SLC7A6: variants seen among roughly 807,000 people sequenced by gnomAD.
SLC7A6 encodes the protein Y+L amino acid transporter 2.
Under a neutral mutation model 46.6 loss-of-function variants are expected in SLC7A6, and 29 were observed. The observed-to-expected ratio is 0.62, with a 90% confidence interval of 0.46 to 0.85. The LOEUF (loss-of-function observed/expected upper bound fraction) is 0.85, where lower values mean the gene tolerates loss of function less well. Among genes scored for constraint, SLC7A6 ranks in the 40% least tolerant of loss-of-function variants. The pLI, the probability that SLC7A6 is intolerant of heterozygous loss-of-function variation, is 0.00. For synonymous variants in SLC7A6, 276 were observed against 257.3 expected (o/e 1.07, Z -0.70); for missense variants, 527 against 647.6 (o/e 0.81, Z 2.02).
chr16:68,280,387 A>G (rs926895543), intron 3 of SLC7A6, among the ~76,000 whole-genome samples: 1 of 152,228 alleles, frequency 6.6e-6, no homozygotes, highest in African/African-American at 2.4e-5. Context: ...AGAGGCTGCC[A>G]GCTGGTGGCC....
chr16:68,284,859 C>CTTT (rs71384525), intron 3 of SLC7A6, among the ~76,000 whole-genome samples: 2 of 95,604 alleles, frequency 2.1e-5, no homozygotes, highest in African/African-American at 9.2e-5. Flanking sequence ...ATTTTCTCGT[C>CTTT]TTTTTTTTTT....
In SLC7A6 at chr16:68,297,343, T is replaced by C. The variant is rs775365565; in HGVS notation, c.*15T>C. On this transcript the variant is annotated 3_prime_UTR_variant, in exon 11 of 11. Transcript: ENST00000219343. ...AAACTGACTAGAGGTCAGAGGTGGC[T>C]TTCTGAGGCCTGGAAGGCAGGCCAA... 6.2e-7 allele frequency: 1 copy of C among 1,611,472 alleles called. No individual in the cohort carries two copies. The highest frequency in any genetic ancestry group is 8.5e-7 in the Non-Finnish European group (1 of 1,178,082).
At chr16:68,291,793 G>GTGTGTGTA (rs1349112185) in intron 7 of SLC7A6, 132 bp downstream of exon 7, 1 of 714,802 alleles carries the variant, frequency 1.4e-6, no homozygotes, top group African/African-American at 1.8e-5. Context: ...GTGTGTGTGT[G>GTGTGTGTA]TGTGTGTTTG....
intron 9 of SLC7A6, 26 bp from the exon 10 acceptor site, chr16:68,296,600 CT>C: frequency 6.2e-7 from 1 of 1,613,834 alleles, no homozygotes. Flanking sequence ...TCCCACGTTA[CT>C]TAATCTCTCA....
chr16:68,275,358 G>A, intron 3 of SLC7A6, 109 bp downstream of exon 3: 1 of 1,354,884 alleles, frequency 7.4e-7, no homozygotes, highest in Non-Finnish European at 1.0e-6. Context: ...CACTTTGGGA[G>A]GCTGAGGCGG....
intron 5 of SLC7A6, 89 bp downstream of exon 5, chr16:68,290,629 C>A (rs1597002103): frequency 6.9e-7 from 1 of 1,451,020 alleles, no homozygotes; most frequent in South Asian, 1.2e-5. Flanking sequence ...CTCCTCCTCC[C>A]TCCGACTCTC....
chr16:68,285,827 G>A (rs1271102103), intron 3 of SLC7A6, among the ~76,000 whole-genome samples: 1 of 152,042 alleles, frequency 6.6e-6, no homozygotes, highest in East Asian at 1.9e-4. Flanking sequence ...AGGCATAGTG[G>A]CTCATGCCTG....
chr16:68,273,497 G>A (rs964901414), intron 2 of SLC7A6, among the ~76,000 whole-genome samples: 7 of 152,128 alleles, frequency 4.6e-5, no homozygotes, highest in African/African-American at 1.7e-4. Context: ...GCTGGGTGCA[G>A]GGTCAGGAAG....
At chr16:68,291,762 G>GGTGTGTGA in intron 7 of SLC7A6, 101 bp downstream of exon 7, 1 of 545,992 alleles carries the variant, frequency 1.8e-6, no homozygotes, top group South Asian at 2.4e-5. Flanking sequence ...GGGCATATAG[G>GGTGTGTGA]GTGTGTGTGT....
Position 68,294,803 on chromosome 16 carries a change from T to G in SLC7A6, c.1119+2T>G. 1 of 1,607,784 alleles carries G rather than the reference T, an allele frequency of 6.2e-7. No homozygotes were observed. The highest frequency in any genetic ancestry group is 8.5e-7 in the Non-Finnish European group (1 of 1,174,184). ...CCTATCCCTGCTTTACTGTTCAATG[T>G]AAGCTTTGCTGGGACCACGGGGCTC... On this transcript the variant is annotated splice_donor_variant, in intron 8 of 10. Transcript: ENST00000219343. LOFTEE classifies it high-confidence loss of function.
rs569708874 is a variant in SLC7A6, at chr16:68,290,470, T to G, written c.724T>G (p.Ser242Ala). The change falls in exon 5 of 11, where the codon TCT becomes GCT. Residue 242 changes from serine (S) to alanine (A), a missense_variant. Physicochemically the swap from Ser to Ala is moderately conservative, Grantham distance 99. Coordinates refer to ENST00000219343, the MANE Select transcript of SLC7A6 (RefSeq NM_003983.6). The stretch of plus-strand genomic sequence containing the variant: ...GGGAAACCTCTCTCTTGCCCTCTAC[T>G]CTGCCCTCTTCTCTTACTCAGGTTG... ...DMGNLSLALY[S>A]ALFSYSGWDT... The G allele has an allele frequency of 6.2e-7, 1 of 1,614,198 alleles. No individual in the cohort carries two copies. Among genetic ancestry groups the G allele is most frequent in the African/African-American group, 1.3e-5 (1 of 75,054 alleles).
intron 2 of SLC7A6, among the ~76,000 whole-genome samples, chr16:68,272,006 T>G (rs747623916): frequency 6.6e-6 from 1 of 152,080 alleles, no homozygotes; most frequent in Non-Finnish European, 1.5e-5. Context: ...GGTTTCACCA[T>G]GTTGGCCAGG....
rs1313000222 is a variant in SLC7A6, at chr16:68,275,210, C to G, written c.484C>G (p.Pro162Ala). 6.2e-7 allele frequency: 1 copy of G among 1,613,562 alleles called. No individual in the cohort carries two copies. Among genetic ancestry groups the G allele is most frequent in the Non-Finnish European group, 8.5e-7 (1 of 1,179,804 alleles). Residue 162 changes from proline to alanine, a missense_variant, in exon 3 of 11, where the codon CCA becomes GCA. Physicochemically the swap from Pro to Ala is conservative, Grantham distance 27 (BLOSUM62 -1). Coordinates refer to ENST00000219343, the MANE Select transcript of SLC7A6 (RefSeq NM_003983.6). The part of the protein sequence containing the change: ...IQPSFPSCDP[P>A]YLACRLLAAA... ...GCCGTCCTTCCCCAGCTGTGATCCC[C>G]CATACCTGGCCTGCCGTCTCCTGGC...
In SLC7A6 at chr16:68,264,698, CAG is replaced by C. The variant is rs1264668965; in HGVS notation, c.-166+123_-166+124del. 1 of 152,172 alleles carries C rather than the reference CAG, an allele frequency of 6.6e-6. No homozygotes were observed. Among genetic ancestry groups the C allele is most frequent in the African/African-American group, 2.4e-5 (1 of 41,428 alleles). The allele number at this position is 152,172 out of a possible 1,614,324, so 9.4% of individuals were successfully genotyped here. ...TCGGGAGCGGGATGCGGCCCAGAAA[CAG>C]CGCGGGGCTGGCCGATCGGGGCCGC... On this transcript the variant is annotated intron_variant, in intron 1 of 10. Coordinates refer to ENST00000219343, the MANE Select transcript of SLC7A6 (RefSeq NM_003983.6). The surrounding 1 kb of genome is among the most constrained non-coding windows in gnomAD (Gnocchi z 5.8).
chr16:68,268,158 G>A (rs2042567399), intron 2 of SLC7A6, among the ~76,000 whole-genome samples: 1 of 152,204 alleles, frequency 6.6e-6, no homozygotes, highest in African/African-American at 2.4e-5. Context: ...GAGGAGTCTT[G>A]GGAGCCCCAA....
At chr16:68,270,996 T>C (rs2151214495) in intron 2 of SLC7A6, among the ~76,000 whole-genome samples, 1 of 152,156 alleles carries the variant, frequency 6.6e-6, no homozygotes, top group Middle Eastern at 3.4e-3. Context: ...GTAGCTGGCA[T>C]GTGCCACCGT....
intron 6 of SLC7A6, 36 bp downstream of exon 6, chr16:68,291,368 C>G: frequency 6.2e-7 from 1 of 1,611,904 alleles, no homozygotes; most frequent in Non-Finnish European, 8.5e-7. Flanking sequence ...TTCATCATCT[C>G]CTGATACTGA....
At chr16:68,275,472 G>A (rs2042695577) in intron 3 of SLC7A6, among the ~76,000 whole-genome samples, 1 of 151,660 alleles carries the variant, frequency 6.6e-6, no homozygotes, top group East Asian at 1.9e-4. Context: ...GTGCATGCCT[G>A]TAATCCCAGC....
chr16:68,290,980 T>C (rs1412482151), intron 5 of SLC7A6: 4 of 535,430 alleles, frequency 7.5e-6, no homozygotes, highest in African/African-American at 5.7e-5. Context: ...GTAGGACCCA[T>C]TGGTCCTACT....
Sources: allele counts gnomAD v4.1 joint callset (sites outside exome capture counted in the v4.1 genomes callset), GRCh38; gene constraint gnomAD v4.1.1; non-coding constraint Gnocchi (gnomAD v3.1); transcripts MANE v1.5; gene names NCBI Gene and HGNC (gene_info 2026-07-23, HGNC 2026-07-21).